The following CDKAL1 variants were observed in gnomAD, a reference collection of about 807,000 sequenced individuals.
CDKAL1 encodes CDKAL1 threonylcarbamoyladenosine tRNA methylthiotransferase.
In CDKAL1, 32 loss-of-function variants were observed where a neutral mutation model predicts 68.2. The ratio of observed to expected loss-of-function variants is 0.47; its 90% CI spans 0.35 to 0.63. The LOEUF (loss-of-function observed/expected upper bound fraction) is 0.63. CDKAL1 is among the 30% of genes least tolerant of loss of function. The probability of loss-of-function intolerance (pLI) is 0.00; values close to 1 mark genes in which losing one functional copy is unlikely to be tolerated. For missense variants in CDKAL1, 606 were observed against 696.7 expected (o/e 0.87, Z 1.47); for synonymous variants, 234 against 244.3 (o/e 0.96, Z 0.39).
At chr6:20,852,276 A>G (rs1157826604) in intron 9 of CDKAL1, among the ~76,000 whole-genome samples, 7 of 152,196 alleles carry the variant, frequency 4.6e-5, no homozygotes. Flanking sequence ...AGTGATTTAT[A>G]TAATCTGATA....
rs1765804635 is a variant in CDKAL1 at position 20,975,546 on chromosome 6, A to G, written c.909+19961A>G. Among the ~76,000 whole-genome samples, 2 of 152,212 alleles carry G rather than the reference A, an allele frequency of 1.3e-5. 1 individual carries two copies. The highest frequency in any genetic ancestry group is 4.1e-4 in the South Asian group (2 of 4,830). ...GCATACATAACATCTATTCAATAAC[A>G]TCAGGGCATTTCTTCTCTAAGGTGT... On this transcript the variant is annotated intron_variant, in intron 10 of 15. Transcript: ENST00000274695.
chr6:21,106,796 A>G (rs957057353), intron 12 of CDKAL1, among the ~76,000 whole-genome samples: 1 of 152,170 alleles, frequency 6.6e-6, no homozygotes, highest in Non-Finnish European at 1.5e-5. Flanking sequence ...GTACTAAGGG[A>G]CAGCTGTACA....
intron 9 of CDKAL1, among the ~76,000 whole-genome samples, chr6:20,867,248 GT>G (rs1267174773): frequency 6.6e-6 from 1 of 152,062 alleles, no homozygotes; most frequent in Non-Finnish European, 1.5e-5. Flanking sequence ...CCAGATCTTT[GT>G]TTCTGTATGG....
chr6:21,059,184 CTGGCCA>C lies in CDKAL1; in HGVS notation c.1056-5861_1056-5856del, dbSNP rs1278053677. ...TCAGGGTCCCACCTAAAGAAGCAGTCTGGCCATGATCTGCCACAGCCACTGTGCTGC... is the reference window on the plus strand; with the variant it reads ...TCAGGGTCCCACCTAAAGAAGCAGTCTGATCTGCCACAGCCACTGTGCTGC... On this transcript the variant is annotated intron_variant, in intron 11 of 15. Coordinates refer to ENST00000274695, the MANE Select transcript of CDKAL1 (RefSeq NM_017774.3). Among the ~76,000 whole-genome samples the C allele has an allele frequency of 3.3e-5, 5 of 152,348 alleles. No individual in the cohort carries two copies. The East Asian group carries it at 9.7e-4, about 29-fold the overall frequency.
At chr6:20,759,560 A>T (rs1774377182) in intron 7 of CDKAL1, among the ~76,000 whole-genome samples, 1 of 152,168 alleles carries the variant, frequency 6.6e-6, no homozygotes, top group African/African-American at 2.4e-5. Context: ...TAAATAAATA[A>T]TAAGGAATTT....
intron 9 of CDKAL1, among the ~76,000 whole-genome samples, chr6:20,924,487 T>C (rs1763097724): frequency 6.6e-6 from 1 of 152,086 alleles, no homozygotes; most frequent in African/African-American, 2.4e-5. Context: ...AAATTAAAAG[T>C]GCTACTCCAA....
intron 8 of CDKAL1, among the ~76,000 whole-genome samples, chr6:20,838,537 A>G (rs1554128912): frequency 6.6e-6 from 1 of 152,202 alleles, no homozygotes; most frequent in African/African-American, 2.4e-5. Context: ...AAAAGTATGT[A>G]CTTTATGGTT....
At chr6:20,878,366 C>A (rs1196810658) in intron 9 of CDKAL1, among the ~76,000 whole-genome samples, 1 of 152,202 alleles carries the variant, frequency 6.6e-6, no homozygotes, top group Non-Finnish European at 1.5e-5. Context: ...TGTCACAGAA[C>A]CTACCCTGCC....
At chr6:20,808,550 A>G (rs1337275344) in intron 8 of CDKAL1, among the ~76,000 whole-genome samples, 1 of 152,106 alleles carries the variant, frequency 6.6e-6, no homozygotes, top group Non-Finnish European at 1.5e-5. Flanking sequence ...CTTGCAGACA[A>G]GGAGTTCAGA....
At chr6:20,980,175 A>G (rs1766044349) in intron 10 of CDKAL1, among the ~76,000 whole-genome samples, 2 of 151,766 alleles carry the variant, frequency 1.3e-5, no homozygotes, top group Admixed American at 1.3e-4. Flanking sequence ...TATTCTGATT[A>G]GAAGCCTCCA....
chr6:20,886,511 G>C (rs1203699820), intron 9 of CDKAL1, among the ~76,000 whole-genome samples: 1 of 152,098 alleles, frequency 6.6e-6, no homozygotes, highest in African/African-American at 2.4e-5. Context: ...CACATGAATG[G>C]ATAAACAAAA....
Position 21,231,083 on chromosome 6 carries a change from A to G in CDKAL1, c.*44A>G, listed in dbSNP as rs763278763. ...ATCTATAAAGAAGAATACATTTCTA[A>G]TTAAAATCTTCAATGAACAGGAAAG... On this transcript the variant is annotated 3_prime_UTR_variant, in exon 16 of 16. Coordinates refer to ENST00000274695, the MANE Select transcript of CDKAL1 (RefSeq NM_017774.3). 6.9e-7 allele frequency: 1 copy of G among 1,445,462 alleles called. No individual in the cohort carries two copies. The highest frequency in any genetic ancestry group is 1.3e-5 in the South Asian group (1 of 75,096). 89.5% of individuals were successfully genotyped at this position (1,445,462 alleles called of 1,614,324 possible). A position where few individuals can be genotyped will look rare whatever the true frequency, so the allele number is the denominator to read the frequency against.
At chr6:21,224,209 G>A (rs746431315) in intron 15 of CDKAL1, among the ~76,000 whole-genome samples, 8 of 152,186 alleles carry the variant, frequency 5.3e-5, no homozygotes, top group Non-Finnish European at 7.3e-5. Flanking sequence ...CTGCAGATGT[G>A]ATTAAGATAA....
intron 12 of CDKAL1, among the ~76,000 whole-genome samples, chr6:21,091,948 G>C (rs1233412871): frequency 7.9e-6 from 1 of 127,032 alleles, no homozygotes; most frequent in Non-Finnish European, 1.5e-5. Flanking sequence ...GTGCAGTGGC[G>C]TGATCTCGGC....
At chr6:21,058,898 C>T (rs988753100) in intron 11 of CDKAL1, among the ~76,000 whole-genome samples, 24 of 152,208 alleles carry the variant, frequency 1.6e-4, no homozygotes, top group Admixed American at 4.6e-4. Flanking sequence ...AGCACAGGAT[C>T]GGAGACCTGC....
intron 8 of CDKAL1, among the ~76,000 whole-genome samples, chr6:20,781,660 T>G (rs1314248770): frequency 6.6e-6 from 1 of 152,188 alleles, no homozygotes; most frequent in Non-Finnish European, 1.5e-5. Context: ...TTTTGATTAT[T>G]CACTATTTGA....
intron 13 of CDKAL1, among the ~76,000 whole-genome samples, chr6:21,125,348 C>T (rs1774945694): frequency 6.6e-6 from 1 of 152,166 alleles, no homozygotes; most frequent in Non-Finnish European, 1.5e-5. Flanking sequence ...CCTGAGGCCT[C>T]CCCAGCCATA....
chr6:20,990,853 G>A (rs12528036), intron 10 of CDKAL1, among the ~76,000 whole-genome samples: 74,821 of 152,048 alleles, frequency 0.49, 19,256 homozygotes, highest in East Asian at 0.64. Flanking sequence ...TTGGTCTTTC[G>A]AACATTGCCT....
chr6:20,638,015 C>T lies in CDKAL1; in HGVS notation c.287-11278C>T, dbSNP rs537745189. Among the ~76,000 whole-genome samples, 57 of 152,150 alleles carry T rather than the reference C, an allele frequency of 3.7e-4. 1 individual carries two copies. The South Asian group carries it at 6.6e-3, about 18-fold the overall frequency. ...AATATTTGTAACCAGTCATTTTTTACGATTACAAATAATACCTGTATGTTT... is the reference window on the plus strand; with the variant it reads ...AATATTTGTAACCAGTCATTTTTTATGATTACAAATAATACCTGTATGTTT... On this transcript the variant is annotated intron_variant, in intron 4 of 15. Coordinates refer to ENST00000274695, the MANE Select transcript of CDKAL1 (RefSeq NM_017774.3).
Sources: allele counts gnomAD v4.1 joint callset (sites outside exome capture counted in the v4.1 genomes callset), GRCh38; gene constraint gnomAD v4.1.1; transcripts MANE v1.5; gene names NCBI Gene and HGNC (gene_info 2026-07-23, HGNC 2026-07-21).